The following IGF2BP2 variants were observed in gnomAD, a reference collection of about 807,000 sequenced individuals.
IGF2BP2 encodes the protein insulin like growth factor 2 mRNA binding protein 2, also known as insulin-like growth factor 2 mRNA-binding protein 2.
A neutral mutation model predicts 75.8 loss-of-function variants in IGF2BP2; 17 were observed. The ratio of observed to expected loss-of-function variants is 0.22; its 90% CI spans 0.15 to 0.34. The LOEUF is 0.34. Ranked by LOEUF, IGF2BP2 falls within the 10% of genes least tolerant of loss-of-function variation. The probability of loss-of-function intolerance (pLI) is 1.00; values close to 1 mark genes in which losing one functional copy is unlikely to be tolerated. For missense variants in IGF2BP2, 516 were observed against 772.4 expected (o/e 0.67, Z 3.93); for synonymous variants, 288 against 295.6 (o/e 0.97, Z 0.26).
chr3:185,784,482 G>A (rs1262243850), intron 2 of IGF2BP2, among the ~76,000 whole-genome samples: 2 of 152,286 alleles, frequency 1.3e-5, no homozygotes, highest in East Asian at 1.9e-4. Flanking sequence ...CACAGCAGGA[G>A]GCACCAATCC....
In IGF2BP2 at chr3:185,672,607, C is replaced by T. The variant is rs755528914; in HGVS notation, c.1134G>A (p.Leu378=). The T allele has an allele frequency of 1.9e-6, 3 of 1,613,912 alleles. No homozygotes were observed. Among genetic ancestry groups the T allele is most frequent in the South Asian group, 2.2e-5 (2 of 91,060 alleles). ...GCCCTGCTGGTGGAGATAGCACGGA[C>T]AGTCCTGTTGAAAAGATGCCAAGTG... ...LSALGIFSTG[L]SVLSPPAGPR... The change falls in exon 10 of 16, where the codon CTG becomes CTA. Residue 378 remains leucine, a synonymous_variant. Coordinates refer to ENST00000382199, the MANE Select transcript of IGF2BP2 (RefSeq NM_006548.6).
chr3:185,824,384 G>A (rs1186376980), intron 1 of IGF2BP2, among the ~76,000 whole-genome samples: 2 of 149,424 alleles, frequency 1.3e-5, no homozygotes, highest in East Asian at 4.0e-4. Context: ...GGGGAAGGGG[G>A]GACCCTGACA....
intron 2 of IGF2BP2, among the ~76,000 whole-genome samples, chr3:185,764,007 G>A (rs1732727881): frequency 6.6e-6 from 1 of 152,150 alleles, no homozygotes; most frequent in Non-Finnish European, 1.5e-5. Flanking sequence ...GGTGAGGTCA[G>A]AAGGATTGTA....
chr3:185,718,135 T>C (rs1329037208), intron 2 of IGF2BP2: 1 of 152,242 alleles, frequency 6.6e-6, no homozygotes, highest in East Asian at 1.9e-4. Context: ...GCCTAAAGCC[T>C]GTTTCTGTAA....
chr3:185,794,505 T>C (rs1737073784), intron 2 of IGF2BP2, among the ~76,000 whole-genome samples: 1 of 152,086 alleles, frequency 6.6e-6, no homozygotes, highest in Admixed American at 6.6e-5. Context: ...CCAGATGAGA[T>C]AGGACTCAGG....
chr3:185,797,604 T>C (rs1737600165), intron 2 of IGF2BP2, among the ~76,000 whole-genome samples: 2 of 152,176 alleles, frequency 1.3e-5, no homozygotes, highest in African/African-American at 4.8e-5. Flanking sequence ...GTCCCTTCAC[T>C]TAAAAATGCT....
chr3:185,806,859 T>C (rs1739098751), intron 2 of IGF2BP2, among the ~76,000 whole-genome samples: 1 of 152,250 alleles, frequency 6.6e-6, no homozygotes, highest in African/African-American at 2.4e-5. Context: ...TGATGCGTTG[T>C]AGTTTTAGCA....
intron 3 of IGF2BP2, 96 bp downstream of exon 3, chr3:185,698,203 T>C (rs984479427): frequency 3.8e-5 from 40 of 1,045,428 alleles, no homozygotes; most frequent in Non-Finnish European, 5.1e-5. Context: ...AGAAGCTTTG[T>C]GGGAAACACT....
intron 9 of IGF2BP2, among the ~76,000 whole-genome samples, chr3:185,673,117 TC>T (rs1718781383): frequency 6.6e-6 from 1 of 152,236 alleles, no homozygotes; most frequent in Non-Finnish European, 1.5e-5. Flanking sequence ...CAGGAAGCTT[TC>T]TTTCATCCCA....
intron 2 of IGF2BP2, among the ~76,000 whole-genome samples, chr3:185,810,896 A>C (rs1739726441): frequency 6.6e-6 from 1 of 152,230 alleles, no homozygotes; most frequent in Non-Finnish European, 1.5e-5. Context: ...AAGTGGCTTA[A>C]AACATTATCT....
At chr3:185,713,187 T>C in intron 2 of IGF2BP2, 1 of 345,836 alleles carries the variant, frequency 2.9e-6, no homozygotes, top group South Asian at 2.3e-5. Flanking sequence ...ACTGTACCAC[T>C]GTCATAAACC....
intron 14 of IGF2BP2, among the ~76,000 whole-genome samples, chr3:185,648,609 T>C (rs1714023439): frequency 6.6e-6 from 1 of 152,000 alleles, no homozygotes; most frequent in African/African-American, 2.4e-5. Flanking sequence ...AAGCCTGCAC[T>C]AGGCTCTACT....
chr3:185,774,447 T>TAG (rs1734272635), intron 2 of IGF2BP2, among the ~76,000 whole-genome samples: 1 of 151,246 alleles, frequency 6.6e-6, no homozygotes, highest in East Asian at 2.0e-4. Context: ...TACAAAAAAT[T>TAG]AGCCAGGCAT....
At chr3:185,696,571 A>G in intron 4 of IGF2BP2, 41 bp downstream of exon 4, 2 of 1,546,732 alleles carry the variant, frequency 1.3e-6, no homozygotes, top group Non-Finnish European at 8.9e-7. Flanking sequence ...ATAACAGATA[A>G]TATCTCTCTC....
chr3:185,662,892 C>A (rs1469510310), intron 10 of IGF2BP2, among the ~76,000 whole-genome samples: 4 of 152,032 alleles, frequency 2.6e-5, no homozygotes, highest in African/African-American at 9.7e-5. Flanking sequence ...GTTGGTCAGG[C>A]TAGTCTTGAA....
intron 12 of IGF2BP2, among the ~76,000 whole-genome samples, chr3:185,654,309 C>T (rs1715078464): frequency 6.6e-6 from 1 of 152,176 alleles, no homozygotes; most frequent in South Asian, 2.1e-4. Flanking sequence ...GCAGATCACA[C>T]AGAGCCTGGC....
intron 2 of IGF2BP2, among the ~76,000 whole-genome samples, chr3:185,799,922 T>G (rs1037874677): frequency 2.0e-5 from 3 of 152,172 alleles, no homozygotes; most frequent in African/African-American, 7.2e-5. Flanking sequence ...GCAATCCCAT[T>G]ACTGGGTATA....
At chr3:185,711,166 G>A (rs1724741277) in intron 2 of IGF2BP2, among the ~76,000 whole-genome samples, 1 of 152,180 alleles carries the variant, frequency 6.6e-6, no homozygotes, top group African/African-American at 2.4e-5. Context: ...GGGAAAATTA[G>A]GGCAGAGATA....
chr3:185,719,765 T>A (rs766031221), intron 2 of IGF2BP2, among the ~76,000 whole-genome samples: 1 of 150,676 alleles, frequency 6.6e-6, no homozygotes, highest in Non-Finnish European at 1.5e-5. Flanking sequence ...ACCTGGGAGG[T>A]GGAGGTTGCA....
Sources: allele counts gnomAD v4.1 joint callset (sites outside exome capture counted in the v4.1 genomes callset), GRCh38; gene constraint gnomAD v4.1.1; transcripts MANE v1.5; gene names NCBI Gene and HGNC (gene_info 2026-07-23, HGNC 2026-07-21).